PCDHA6: variants seen among roughly 807,000 people sequenced by gnomAD.
PCDHA6 encodes the protein protocadherin alpha-6.
In PCDHA6, 55 loss-of-function variants were observed where a neutral mutation model predicts 60.3. The ratio of observed to expected loss-of-function variants is 0.91; its 90% confidence interval spans 0.73 to 1.14. The LOEUF is 1.14. PCDHA6 is among the 50% of genes most tolerant of loss of function. PCDHA6 has a pLI of 0.00. For missense variants in PCDHA6, 1,327 were observed against 1,256.5 expected (o/e 1.06, Z -0.85); for synonymous variants, 652 against 557.9 (o/e 1.17, Z -2.38).
At chr5:140,853,686 T>C (rs2042832936) in intron 1 of PCDHA6, 1 of 988,118 alleles carries the variant, frequency 1.0e-6, no homozygotes, top group Middle Eastern at 5.3e-4. Flanking sequence ...CAACCTATCC[T>C]TAGACCTGCT....
chr5:140,830,035 G>A lies in PCDHA6; in HGVS notation c.1944G>A (p.Leu648=). The A allele has an allele frequency of 6.2e-7, 1 of 1,613,880 alleles. No homozygotes were observed. The highest frequency in any genetic ancestry group is 8.5e-7 in the Non-Finnish European group (1 of 1,179,912). Residue 648 remains leucine, a synonymous_variant, in exon 1 of 4, where the codon CTG becomes CTA. Transcript: ENST00000529310. ...DEADSPRHRL[L]VLVKDHGEPA... is the part of the protein sequence containing the mutation. ...CGGACTCTCCGCGCCACCGGCTGCT[G>A]GTGCTGGTGAAAGACCACGGTGAGC...
intron 1 of PCDHA6, chr5:140,884,756 T>A: frequency 7.0e-7 from 1 of 1,427,108 alleles, no homozygotes; most frequent in Admixed American, 3.0e-5. Flanking sequence ...TTTCAAATTA[T>A]TCTTTACTTT....
chr5:140,836,439 A>G, intron 1 of PCDHA6: 1 of 1,613,820 alleles, frequency 6.2e-7, no homozygotes, highest in Non-Finnish European at 8.5e-7. Context: ...ATCGTTGGGC[A>G]TTGCAGGCCC....
intron 1 of PCDHA6, among the ~76,000 whole-genome samples, chr5:140,846,696 G>A (rs1487069290): frequency 1.3e-5 from 2 of 149,188 alleles, no homozygotes; most frequent in African/African-American, 2.5e-5. Context: ...TTAGCAAGTA[G>A]AGAAGATTGT....
rs1484271840 is a variant in PCDHA6 at position 140,900,260 on chromosome 5, A to G, written c.2394+69775A>G. Among the ~76,000 whole-genome samples the G allele has an allele frequency of 4.0e-5, 6 of 151,898 alleles. No homozygotes were observed. In the South Asian group the frequency reaches 1.0e-3, roughly 26 times the overall value. ...TTTTTTTATGGCTGAATAGTACTCC[A>G]TTGTGTATATGTACCACACTTTCTT... On this transcript the variant is annotated intron_variant, in intron 1 of 3. Coordinates refer to ENST00000529310, the MANE Select transcript of PCDHA6 (RefSeq NM_018909.4).
chr5:140,962,068 G>C (rs2095654419), intron 1 of PCDHA6, among the ~76,000 whole-genome samples: 1 of 151,882 alleles, frequency 6.6e-6, no homozygotes, highest in African/African-American at 2.4e-5. Context: ...GTATTTTTTA[G>C]TAGAGACGGG....
At chr5:140,992,587 A>C (rs1393295001) in intron 3 of PCDHA6, among the ~76,000 whole-genome samples, 2 of 152,186 alleles carry the variant, frequency 1.3e-5, no homozygotes, top group African/African-American at 2.4e-5. Context: ...CCTTGTATGC[A>C]TCTAGCGTCT....
At chr5:140,840,009 T>C (rs1322278624) in intron 1 of PCDHA6, among the ~76,000 whole-genome samples, 2 of 152,046 alleles carry the variant, frequency 1.3e-5, no homozygotes, top group Admixed American at 6.5e-5. Context: ...ACTGAGAAGA[T>C]TGGCTCATGG....
At chr5:140,875,608 G>C in intron 1 of PCDHA6, 1 of 1,613,844 alleles carries the variant, frequency 6.2e-7, no homozygotes, top group Non-Finnish European at 8.5e-7. Context: ...CACCTTCGTG[G>C]GCCGCATCGC....
At chr5:140,999,138 C>T (rs530740266) in intron 3 of PCDHA6, among the ~76,000 whole-genome samples, 1 of 152,140 alleles carries the variant, frequency 6.6e-6, no homozygotes, top group Non-Finnish European at 1.5e-5. Flanking sequence ...AATGTCACAG[C>T]CGGAAGTCTT....
chr5:140,870,334 G>T lies in PCDHA6; in HGVS notation c.2394+39849G>T, dbSNP rs180868237. The T allele has an allele frequency of 3.1e-6, 5 of 1,614,166 alleles. No individual in the cohort carries two copies. The highest frequency in any genetic ancestry group is 1.7e-5 in the Admixed American group (1 of 60,020). ...TTACTACTCGTTGGTGCTGGACAGCGCCCTGGACCGCGAGAACGTGTGGGC... is the reference window on the plus strand; with the variant it reads ...TTACTACTCGTTGGTGCTGGACAGCTCCCTGGACCGCGAGAACGTGTGGGC... On this transcript the variant is annotated intron_variant, in intron 1 of 3. Transcript: ENST00000529310.
At chr5:140,978,648 T>C (rs2096814311) in intron 1 of PCDHA6, among the ~76,000 whole-genome samples, 1 of 152,264 alleles carries the variant, frequency 6.6e-6, no homozygotes, top group African/African-American at 2.4e-5. Flanking sequence ...CAGACTGTTC[T>C]TCCCGTAGTG....
chr5:141,000,314 A>T (rs2097900305), intron 3 of PCDHA6, among the ~76,000 whole-genome samples: 1 of 145,492 alleles, frequency 6.9e-6, no homozygotes, highest in East Asian at 2.0e-4. Context: ...GTTCAAGACC[A>T]GCTTGGGCAA....
intron 1 of PCDHA6, among the ~76,000 whole-genome samples, chr5:140,890,494 C>A (rs1554184398): frequency 1.3e-5 from 2 of 152,064 alleles, no homozygotes; most frequent in South Asian, 4.1e-4. Context: ...TTTGTCTCAC[C>A]ATTTTTATGT....
rs57893927 is a variant in PCDHA6, at chr5:140,946,631, T to TATATATATATATATATATATATAC, written c.2395-32317_2395-32316insTATATATATATATATATATATACA. Among the ~76,000 whole-genome samples the TATATATATATATATATATATATAC allele has an allele frequency of 2.6e-3, 340 of 131,752 alleles. 23 individuals carry two copies. The highest frequency in any genetic ancestry group is 0.011 in the African/African-American group (303 of 28,632). The allele number at this position is 131,752 out of a possible 152,430, so 86.4% of individuals were successfully genotyped here. On this transcript the variant is annotated intron_variant, in intron 1 of 3. Transcript: ENST00000529310. ...TGTGAAATATATATATATATATATA[T>TATATATATATATATATATATATAC]ACAATGGAATACTCATCAGCCATTA...
chr5:140,887,047 C>G (rs530605993), intron 1 of PCDHA6, among the ~76,000 whole-genome samples: 1 of 151,882 alleles, frequency 6.6e-6, no homozygotes, highest in African/African-American at 2.4e-5. Flanking sequence ...TTTTATAGTG[C>G]ATATGTTCTG....
chr5:140,858,068 G>A (rs576753961), intron 1 of PCDHA6: 1 of 1,597,756 alleles, frequency 6.3e-7, no homozygotes, highest in African/African-American at 1.3e-5. Context: ...GGGCAGCCAG[G>A]CACCCAAGGC....
At chr5:140,848,473 TAGA>T in intron 1 of PCDHA6, 2 of 1,556,440 alleles carry the variant, frequency 1.3e-6, no homozygotes, top group Non-Finnish European at 8.7e-7. Context: ...TTTCACTAAT[TAGA>T]AGAAGACTGA....
chr5:140,931,716 T>G (rs1205500293), intron 1 of PCDHA6, among the ~76,000 whole-genome samples: 5 of 151,962 alleles, frequency 3.3e-5, no homozygotes, highest in Admixed American at 3.3e-4. Context: ...TAAAATAACT[T>G]CTATAAATAT....
Sources: allele counts gnomAD v4.1 joint callset (sites outside exome capture counted in the v4.1 genomes callset), GRCh38; gene constraint gnomAD v4.1.1; transcripts MANE v1.5; gene names NCBI Gene and HGNC (gene_info 2026-07-23, HGNC 2026-07-21).